The following TTC28 variants were observed in gnomAD, a reference collection of about 807,000 sequenced individuals.
The protein encoded by TTC28 is tetratricopeptide repeat protein 28.
TTC28 carries 61 observed loss-of-function variants against 198.0 expected under a neutral mutation model. The observed-to-expected ratio is 0.31, with a 90% confidence interval of 0.25 to 0.38. The LOEUF is 0.38. Among genes scored for constraint, TTC28 ranks in the 10% least tolerant of loss-of-function variants. The pLI is 1.00. For missense variants in TTC28, 2,678 were observed against 3,164.0 expected, an observed-to-expected ratio of 0.85 and a Z score of 3.69; for synonymous variants, 1,171 against 1,297.8, an observed-to-expected ratio of 0.90 and a Z score of 2.10.
intron 6 of TTC28, among the ~76,000 whole-genome samples, chr22:28,136,669 C>T (rs1458132500): frequency 1.3e-5 from 2 of 152,168 alleles, no homozygotes; most frequent in African/African-American, 4.8e-5. Flanking sequence ...TTGAATTAGT[C>T]AGGGAAGGAG....
rs149588501 is a variant in TTC28 at position 28,224,234 on chromosome 22, G to A, written c.934-60635C>T. On this transcript the variant is annotated intron_variant, in intron 5 of 22. Coordinates refer to ENST00000397906, the MANE Select transcript of TTC28 (RefSeq NM_001145418.2). ...AGCAGTGCTTCTTGAGCTTTAAGGT[G>A]CATGTGTCATGTTAAAATGCAGTAG... Among the ~76,000 whole-genome samples the A allele has an allele frequency of 5.1e-4, 78 of 152,318 alleles. 1 individual carries two copies. In the East Asian group the frequency reaches 0.015, roughly 29 times the overall value.
At chr22:28,385,387 G>A (rs2146037544) in intron 2 of TTC28, among the ~76,000 whole-genome samples, 1 of 150,396 alleles carries the variant, frequency 6.6e-6, no homozygotes, top group Admixed American at 6.6e-5. Flanking sequence ...GCTTCAGTTT[G>A]TTCACTTGTA....
intron 12 of TTC28, among the ~76,000 whole-genome samples, chr22:28,073,676 T>C (rs1479653559): frequency 6.6e-6 from 1 of 152,220 alleles, no homozygotes; most frequent in African/African-American, 2.4e-5. Context: ...AATATATTCT[T>C]TGCCCTACTG....
chr22:28,253,809 T>A (rs893916562), intron 5 of TTC28, among the ~76,000 whole-genome samples: 3 of 152,096 alleles, frequency 2.0e-5, no homozygotes, highest in Non-Finnish European at 4.4e-5. Flanking sequence ...TTAAGCAATA[T>A]AAAGAATTTA....
At chr22:28,656,449 C>T in intron 1 of TTC28, among the ~76,000 whole-genome samples, 1 of 152,302 alleles carries the variant, frequency 6.6e-6, no homozygotes, top group Admixed American at 6.5e-5. Flanking sequence ...ACCCACCACT[C>T]GCAACAGGGA....
At chr22:28,062,319 C>G (rs952318090) in intron 12 of TTC28, among the ~76,000 whole-genome samples, 8 of 151,958 alleles carry the variant, frequency 5.3e-5, no homozygotes, top group Non-Finnish European at 8.8e-5. Context: ...CCTCGGCCTC[C>G]CAAAGTGCTG....
intron 1 of TTC28, among the ~76,000 whole-genome samples, chr22:28,635,937 T>A (rs1053037429): frequency 2.0e-5 from 3 of 151,992 alleles, no homozygotes; most frequent in Non-Finnish European, 4.4e-5. Context: ...TTTGTACCCC[T>A]TAACCAATGT....
intron 2 of TTC28, among the ~76,000 whole-genome samples, chr22:28,427,187 G>T (rs973456590): frequency 4.6e-5 from 7 of 152,074 alleles, no homozygotes; most frequent in African/African-American, 1.7e-4. Context: ...CCTGATAAAT[G>T]GATTTTACTA....
intron 2 of TTC28, among the ~76,000 whole-genome samples, chr22:28,379,581 C>T (rs556348611): frequency 2.6e-5 from 4 of 152,128 alleles, no homozygotes; most frequent in African/African-American, 9.6e-5. Context: ...TAGTCAAGTT[C>T]ATAAAGACAG....
chr22:28,168,022 C>T (rs1417445487), intron 5 of TTC28, among the ~76,000 whole-genome samples: 2 of 152,078 alleles, frequency 1.3e-5, no homozygotes, highest in Admixed American at 6.5e-5. Flanking sequence ...TCCTATACAC[C>T]AAAAACAGAC....
rs542231178 is a variant in TTC28, at chr22:28,256,761, T to C, written c.933+39437A>G. ...AAGCAAAAAAACAGACACATAAGAC[T>C]GGGCATAATGGCCCATGCCGTAATC... On this transcript the variant is annotated intron_variant, in intron 5 of 22. Transcript: ENST00000397906. 2.6e-5 allele frequency among the ~76,000 whole-genome samples: 4 copies of C among 152,336 alleles called. No individual in the cohort carries two copies. In the East Asian group the frequency reaches 5.8e-4, roughly 22 times the overall value.
rs1937089271 is a variant in TTC28, at chr22:27,983,340, T to C, written c.6327A>G (p.Pro2109=). The C allele has an allele frequency of 1.9e-6, 3 of 1,551,748 alleles. No individual in the cohort carries two copies. Among genetic ancestry groups the C allele is most frequent in the South Asian group, 2.4e-5 (2 of 84,054 alleles). The stretch of plus-strand genomic sequence containing the variant: ...GGCTGGGAATCAGAGTCATTTTCAC[T>C]GGAGAATTTGGAGTGCTGATGCTCC... The part of the protein sequence containing the change: ...SKGSISTPNS[P]VKMTLIPSPN... Residue 2109 remains proline, a synonymous_variant, in exon 23 of 23, where the codon CCA becomes CCG. Transcript: ENST00000397906.
intron 2 of TTC28, among the ~76,000 whole-genome samples, chr22:28,427,969 T>C (rs186026541): frequency 4.6e-5 from 7 of 152,278 alleles, no homozygotes; most frequent in Admixed American, 3.9e-4. Flanking sequence ...TTTTTAACCA[T>C]GGAATTTTTT....
At chr22:28,122,281 A>G (rs1942808048) in intron 6 of TTC28, among the ~76,000 whole-genome samples, 1 of 152,216 alleles carries the variant, frequency 6.6e-6, no homozygotes, top group Admixed American at 6.5e-5. Context: ...AGGCGAGAAT[A>G]TAAGAAAGGC....
At chr22:28,201,541 CA>C (rs1925938821) in intron 5 of TTC28, among the ~76,000 whole-genome samples, 1 of 151,864 alleles carries the variant, frequency 6.6e-6, no homozygotes, top group Non-Finnish European at 1.5e-5. Flanking sequence ...GATAAGAGAG[CA>C]TATGGAACTT....
At chr22:28,415,369 A>G (rs940626202) in intron 2 of TTC28, among the ~76,000 whole-genome samples, 4 of 152,224 alleles carry the variant, frequency 2.6e-5, no homozygotes, top group Admixed American at 1.3e-4. Context: ...AAAATGTAGT[A>G]CAGATTTAAG....
At chr22:28,184,582 T>A (rs1211093327) in intron 5 of TTC28, among the ~76,000 whole-genome samples, 2 of 152,162 alleles carry the variant, frequency 1.3e-5, no homozygotes, top group East Asian at 3.8e-4. Context: ...AATTTTTTTT[T>A]ACCAATTTCC....
intron 5 of TTC28, among the ~76,000 whole-genome samples, chr22:28,264,829 A>G (rs1931573227): frequency 6.6e-6 from 1 of 152,178 alleles, no homozygotes; most frequent in Non-Finnish European, 1.5e-5. Flanking sequence ...AGACTGCGAT[A>G]TGAGTGTAAA....
At chr22:28,086,208 A>G (rs1446274695) in intron 12 of TTC28, among the ~76,000 whole-genome samples, 3 of 152,124 alleles carry the variant, frequency 2.0e-5, no homozygotes, top group Non-Finnish European at 4.4e-5. Flanking sequence ...AACAGAATAT[A>G]CATTTTTTTC....
Sources: gnomAD v4.1 joint callset for allele counts (sites outside exome capture counted in the v4.1 genomes callset) on GRCh38, gnomAD v4.1.1 for gene constraint, MANE v1.5 for transcripts, NCBI Gene and HGNC (gene_info 2026-07-23, HGNC 2026-07-21) for gene names.